STXBP4: variants seen among roughly 807,000 people sequenced by gnomAD.
STXBP4 encodes syntaxin-binding protein 4.
Under a neutral mutation model 76.1 loss-of-function variants are expected in STXBP4, and 55 were observed. That is an observed-to-expected ratio of 0.72 (90% CI 0.58 to 0.91). STXBP4 has a LOEUF of 0.91. Ranked by LOEUF, STXBP4 falls within the 40% of genes least tolerant of loss-of-function variation. The probability of loss-of-function intolerance (pLI) is 0.00; values close to 1 mark genes in which losing one functional copy is unlikely to be tolerated. For missense variants in STXBP4, 618 were observed against 636.9 expected (o/e 0.97, Z 0.32); for synonymous variants, 201 against 220.2 (o/e 0.91, Z 0.77).
At chr17:55,178,686 G>A in the STXBP4 span, among the ~76,000 whole-genome samples, 1 of 152,224 alleles carries the variant, frequency 6.6e-6, no homozygotes, top group Admixed American at 6.5e-5. Context: ...GCAAGCTACA[G>A]TAGACTCCAA....
At chr17:55,153,469 A>G (rs1224978439) in intron 17 of STXBP4, among the ~76,000 whole-genome samples, 1 of 152,226 alleles carries the variant, frequency 6.6e-6, no homozygotes, top group Admixed American at 6.5e-5. Context: ...ATCATTCTGT[A>G]GTATAATATA....
the STXBP4 span, among the ~76,000 whole-genome samples, chr17:55,202,118 T>C: frequency 1.8e-4 from 27 of 147,710 alleles, no homozygotes; most frequent in African/African-American, 6.5e-4. Flanking sequence ...ACACACATAG[T>C]GCCAGAGTCA....
At chr17:55,139,302 T>C (rs1345178480) in intron 16 of STXBP4, among the ~76,000 whole-genome samples, 1 of 152,204 alleles carries the variant, frequency 6.6e-6, no homozygotes, top group Non-Finnish European at 1.5e-5. Flanking sequence ...GTGTCCACTT[T>C]ATTTTTATTA....
In STXBP4 at chr17:55,081,199, T is replaced by G. The variant is rs1297537638; in HGVS notation, c.1489+16T>G. 7.1e-7 allele frequency: 1 copy of G among 1,414,884 alleles called. No homozygotes were observed. The highest frequency in any genetic ancestry group is 9.3e-7 in the Non-Finnish European group (1 of 1,078,340). 87.6% of individuals were successfully genotyped at this position (1,414,884 alleles called of 1,614,324 possible). Reference sequence around the variant, plus strand: ...GATATGGATTGTAAGTTTTCTGCATTTTTTCACTTTTTAAAAGTAATTTAT... The same window carrying G: ...GATATGGATTGTAAGTTTTCTGCATGTTTTCACTTTTTAAAAGTAATTTAT... On this transcript the variant is annotated intron_variant, in intron 16 of 17. Coordinates refer to ENST00000376352, the MANE Select transcript of STXBP4 (RefSeq NM_178509.6).
chr17:55,011,246 T>C (rs2078103769), intron 8 of STXBP4, among the ~76,000 whole-genome samples: 2 of 151,950 alleles, frequency 1.3e-5, no homozygotes, highest in African/African-American at 4.8e-5. Flanking sequence ...TTTTTAATTT[T>C]TTTTAAATTT....
intron 8 of STXBP4, among the ~76,000 whole-genome samples, chr17:55,030,071 T>C (rs2787505): frequency 0.79 from 120,342 of 152,164 alleles, 48,227 homozygotes; most frequent in African/African-American, 0.91. Flanking sequence ...AGTCCCTTTG[T>C]GTTAGTTAAG....
At chr17:55,134,803 A>G (rs1316642311) in intron 16 of STXBP4, among the ~76,000 whole-genome samples, 3 of 152,124 alleles carry the variant, frequency 2.0e-5, no homozygotes, top group Admixed American at 2.0e-4. Context: ...GTTGTATATT[A>G]CTGCTTTTAA....
intron 11 of STXBP4, among the ~76,000 whole-genome samples, chr17:55,046,240 A>G (rs1172547753): frequency 1.3e-5 from 2 of 152,046 alleles, no homozygotes; most frequent in African/African-American, 4.8e-5. Context: ...AGGAGCCAGC[A>G]GTCTCTTGGC....
intron 16 of STXBP4, among the ~76,000 whole-genome samples, chr17:55,087,221 G>A (rs1255827356): frequency 1.3e-5 from 2 of 152,098 alleles, no homozygotes; most frequent in Non-Finnish European, 2.9e-5. Flanking sequence ...AATTCTATAG[G>A]TTGTCTTTTC....
At chr17:55,059,519 A>G (rs1422142412) in intron 12 of STXBP4, among the ~76,000 whole-genome samples, 1 of 152,142 alleles carries the variant, frequency 6.6e-6, no homozygotes, top group African/African-American at 2.4e-5. Context: ...AATTATAATT[A>G]AATTAAAAAT....
chr17:54,992,779 C>T (rs560662426), intron 4 of STXBP4, among the ~76,000 whole-genome samples: 31 of 144,096 alleles, frequency 2.2e-4, no homozygotes, highest in African/African-American at 7.2e-4. Flanking sequence ...GGCACAATCT[C>T]GGCTCACTGC....
rs181902270 is a variant in STXBP4, at chr17:54,990,722, T to C, written c.48-103T>C. 1.9e-3 allele frequency: 2,652 copies of C among 1,373,240 alleles called. 8 individuals are homozygous for C. Among genetic ancestry groups the C allele is most frequent in the Non-Finnish European group, 1.9e-3 (1,920 of 1,030,992 alleles). The allele number at this position is 1,373,240 out of a possible 1,614,324, so 85.1% of individuals were successfully genotyped here. A position where few individuals can be genotyped will look rare whatever the true frequency, so the allele number is the denominator to read the frequency against. On this transcript the variant is annotated intron_variant, in intron 3 of 17. Transcript: ENST00000376352. ...CCCTGGTACCAAAAAAGGTGAGGGG[T>C]TGCTGCTCTAGATCTCAGATTTTGA...
At chr17:55,180,639 G>T in the STXBP4 span, among the ~76,000 whole-genome samples, 1 of 152,200 alleles carries the variant, frequency 6.6e-6, no homozygotes, top group African/African-American at 2.4e-5. Context: ...ATTTGAAACA[G>T]AATCAGAATT....
chr17:55,180,718 C>A, the STXBP4 span, among the ~76,000 whole-genome samples: 2 of 152,180 alleles, frequency 1.3e-5, no homozygotes, highest in Non-Finnish European at 2.9e-5. Flanking sequence ...CTCACTATTA[C>A]CAGTGTGGGA....
chr17:55,075,500 A>G (rs933834781), intron 13 of STXBP4, among the ~76,000 whole-genome samples: 1 of 152,150 alleles, frequency 6.6e-6, no homozygotes, highest in African/African-American at 2.4e-5. Flanking sequence ...ATTTTAGTGC[A>G]TGTATCCTGC....
chr17:55,179,315 GA>G, the STXBP4 span, among the ~76,000 whole-genome samples: 10 of 150,306 alleles, frequency 6.7e-5, no homozygotes, highest in East Asian at 1.9e-4. Context: ...CTAGAGCATG[GA>G]AAAAAAAATA....
chr17:55,043,859 G>A (rs1458551509), intron 11 of STXBP4: 13 of 549,256 alleles, frequency 2.4e-5, no homozygotes, highest in Middle Eastern at 8.2e-4. Context: ...TTTTTGTTTT[G>A]TGTTTTTGAG....
At chr17:55,201,114 A>G in the STXBP4 span, among the ~76,000 whole-genome samples, 1 of 152,188 alleles carries the variant, frequency 6.6e-6, no homozygotes, top group African/African-American at 2.4e-5. Context: ...GATTTTTTTG[A>G]CAAGCTCCAC....
intron 3 of STXBP4, among the ~76,000 whole-genome samples, chr17:54,989,437 T>C (rs1373457602): frequency 2.6e-5 from 4 of 152,210 alleles, no homozygotes; most frequent in Non-Finnish European, 5.9e-5. Flanking sequence ...TTATTCAATG[T>C]ATTTGAAGAT....
Sources: gnomAD v4.1 joint callset for allele counts (sites outside exome capture counted in the v4.1 genomes callset) on GRCh38, gnomAD v4.1.1 for gene constraint, MANE v1.5 for transcripts, NCBI Gene and HGNC (gene_info 2026-07-23, HGNC 2026-07-21) for gene names.